R3HDM2: variants seen among roughly 807,000 people sequenced by gnomAD.
R3HDM2 encodes the protein R3H domain containing 2.
Under a neutral mutation model 124.5 loss-of-function variants are expected in R3HDM2, and 38 were observed. That is an observed-to-expected ratio of 0.31 (90% confidence interval 0.24 to 0.40). The LOEUF (loss-of-function observed/expected upper bound fraction) is 0.40. R3HDM2 is among the 10% of genes least tolerant of loss of function. The pLI is 1.00. For synonymous variants in R3HDM2, 391 were observed against 448.0 expected (o/e 0.87, Z 1.61); for missense variants, 869 against 1,236.9 (o/e 0.70, Z 4.46).
chr12:57,375,377 A>C (rs2063909549), intron 2 of R3HDM2, among the ~76,000 whole-genome samples: 1 of 152,284 alleles, frequency 6.6e-6, no homozygotes, highest in African/African-American at 2.4e-5. Context: ...TATCGAAAAA[A>C]ATTCTTGTTC....
chr12:57,280,730 T>C (rs1298935985), intron 13 of R3HDM2, among the ~76,000 whole-genome samples, 200 bp from the exon 14 acceptor site: 1 of 152,216 alleles, frequency 6.6e-6, no homozygotes, highest in Non-Finnish European at 1.5e-5. Context: ...TCCTCCTCTT[T>C]GCAGGCTTCT....
intron 20 of R3HDM2, 90 bp from the exon 21 acceptor site, chr12:57,258,227 GA>G: frequency 8.2e-7 from 1 of 1,223,546 alleles, no homozygotes; most frequent in East Asian, 3.0e-5. Context: ...CCTCTCTCAG[GA>G]AATAAGTTTC....
intron 12 of R3HDM2, among the ~76,000 whole-genome samples, chr12:57,285,991 ACACTACT>A (rs1426160536): frequency 6.6e-6 from 1 of 152,216 alleles, no homozygotes; most frequent in African/African-American, 2.4e-5. Context: ...CTGGGTTAGT[ACACTACT>A]CCCCTAAGAC....
At chr12:57,430,518 C>A (rs1436742245) in intron 1 of R3HDM2, 18 of 984,792 alleles carry the variant, frequency 1.8e-5, no homozygotes, top group Non-Finnish European at 2.2e-5. Flanking sequence ...CCGCCCCGCG[C>A]CCCCAGCTTC....
chr12:57,391,792 T>C (rs1189472557), intron 2 of R3HDM2, among the ~76,000 whole-genome samples: 1 of 152,218 alleles, frequency 6.6e-6, no homozygotes, highest in Non-Finnish European at 1.5e-5. Flanking sequence ...AACTGATAAA[T>C]GATACAAATT....
intron 1 of R3HDM2, among the ~76,000 whole-genome samples, chr12:57,399,778 T>A (rs1251089142): frequency 6.6e-6 from 1 of 152,170 alleles, no homozygotes; most frequent in African/African-American, 2.4e-5. Context: ...AAAAGTGACC[T>A]TCCCCCCTGA....
chr12:57,358,394 C>T (rs4760308), intron 2 of R3HDM2, among the ~76,000 whole-genome samples: 68,203 of 151,858 alleles, frequency 0.45, 15,881 homozygotes, highest in South Asian at 0.52. Context: ...CCTAGTACTT[C>T]GGGAGGTCAA....
chr12:57,371,856 G>A (rs1021732203), intron 2 of R3HDM2, among the ~76,000 whole-genome samples: 2 of 152,088 alleles, frequency 1.3e-5, no homozygotes, highest in African/African-American at 4.8e-5. Context: ...ATCATAGATT[G>A]TCCTTTTTTG....
At chr12:57,345,532 C>T (rs2060000473) in intron 2 of R3HDM2, among the ~76,000 whole-genome samples, 1 of 145,558 alleles carries the variant, frequency 6.9e-6, no homozygotes, top group Non-Finnish European at 1.6e-5. Context: ...CACACACACA[C>T]ACACACACAC....
intron 14 of R3HDM2, among the ~76,000 whole-genome samples, chr12:57,278,234 G>C (rs953298266): frequency 6.6e-6 from 1 of 152,164 alleles, no homozygotes. Context: ...TAGGAGATAA[G>C]CCAATGCCAA....
intron 2 of R3HDM2, among the ~76,000 whole-genome samples, chr12:57,355,631 T>G (rs1474675646): frequency 6.6e-6 from 1 of 152,184 alleles, no homozygotes; most frequent in African/African-American, 2.4e-5. Context: ...GTAGTTTAAG[T>G]CTTCCAACTT....
At chr12:57,400,133 GTA>G (rs1468633284) in intron 1 of R3HDM2, among the ~76,000 whole-genome samples, 1 of 152,160 alleles carries the variant, frequency 6.6e-6, no homozygotes, top group Non-Finnish European at 1.5e-5. Flanking sequence ...ACATGGACAT[GTA>G]TGTTTATTGT....
intron 1 of R3HDM2, among the ~76,000 whole-genome samples, chr12:57,428,439 G>T (rs1868509810): frequency 6.7e-6 from 1 of 149,560 alleles, no homozygotes. Context: ...AGACCATCCT[G>T]GCTAACACAG....
At chr12:57,418,773 A>G (rs1198617822) in intron 1 of R3HDM2, among the ~76,000 whole-genome samples, 1 of 152,074 alleles carries the variant, frequency 6.6e-6, no homozygotes, top group Non-Finnish European at 1.5e-5. Flanking sequence ...CATATTGGCC[A>G]TAGTGATCTC....
At chr12:57,390,563 G>A (rs1409170573) in intron 2 of R3HDM2, among the ~76,000 whole-genome samples, 3 of 152,084 alleles carry the variant, frequency 2.0e-5, no homozygotes, top group Non-Finnish European at 4.4e-5. Flanking sequence ...CAAGCAAGGC[G>A]GAATGTACCA....
chr12:57,355,405 G>A (rs1410563652), intron 2 of R3HDM2, among the ~76,000 whole-genome samples: 6 of 148,242 alleles, frequency 4.0e-5, no homozygotes, highest in South Asian at 2.1e-4. Context: ...CTTGCAGTGC[G>A]CTGAGATCGG....
chr12:57,317,726 T>TCG (rs1221941356), intron 2 of R3HDM2, among the ~76,000 whole-genome samples: 1 of 144,274 alleles, frequency 6.9e-6, no homozygotes, highest in African/African-American at 2.6e-5. Flanking sequence ...GCCGGGTGGC[T>TCG]CGCGCCTGTA....
In R3HDM2 at chr12:57,254,727, A is replaced by G; in HGVS notation, c.*46T>C. ...CTGTCAGGATCCTTCAACCCCCTCC[A>G]CCCTGCCCTTGCTCCTTCTGTGACA... On this transcript the variant is annotated 3_prime_UTR_variant, in exon 24 of 24. Coordinates refer to ENST00000402412, the MANE Select transcript of R3HDM2 (RefSeq NM_001394031.1). 1 of 1,438,586 alleles carries G rather than the reference A, an allele frequency of 7.0e-7. No individual in the cohort carries two copies. The highest frequency in any genetic ancestry group is 9.5e-7 in the Non-Finnish European group (1 of 1,055,740). The allele number at this position is 1,438,586 out of a possible 1,614,324, so 89.1% of individuals were successfully genotyped here.
chr12:57,353,356 A>G (rs1240401589), intron 2 of R3HDM2, among the ~76,000 whole-genome samples: 1 of 152,172 alleles, frequency 6.6e-6, no homozygotes, highest in Non-Finnish European at 1.5e-5. Flanking sequence ...TAATAAAGAT[A>G]AATTCATCTT....
Sources: gnomAD v4.1 joint callset for allele counts (sites outside exome capture counted in the v4.1 genomes callset) on GRCh38, gnomAD v4.1.1 for gene constraint, MANE v1.5 for transcripts, NCBI Gene and HGNC (gene_info 2026-07-23, HGNC 2026-07-21) for gene names.